SLC8A1: variants seen among roughly 807,000 people sequenced by gnomAD.
The protein encoded by SLC8A1 is sodium/calcium exchanger 1.
In SLC8A1, 18 loss-of-function variants were observed where a neutral mutation model predicts 68.3. The ratio of observed to expected loss-of-function variants is 0.26; its 90% CI spans 0.18 to 0.39. SLC8A1 has a LOEUF of 0.39. SLC8A1 is among the 10% of genes least tolerant of loss of function. The probability of loss-of-function intolerance (pLI) is 1.00; values close to 1 mark genes in which losing one functional copy is unlikely to be tolerated. For missense variants in SLC8A1, 985 were observed against 1,156.7 expected (o/e 0.85, Z 2.15); for synonymous variants, 475 against 415.5 (o/e 1.14, Z -1.74).
At chr2:40,448,624 A>T (rs557833468) in intron 1 of SLC8A1, among the ~76,000 whole-genome samples, 1 of 152,314 alleles carries the variant, frequency 6.6e-6, no homozygotes, top group Admixed American at 6.5e-5. Context: ...ACCATAAGTG[A>T]TGTCAGATAG....
At chr2:40,338,749 T>A (rs1666791850) in intron 2 of SLC8A1, among the ~76,000 whole-genome samples, 8 of 152,208 alleles carry the variant, frequency 5.3e-5, no homozygotes, top group African/African-American at 1.9e-4. Context: ...CATAATTGGA[T>A]TTTCTTCTTT....
At chr2:40,458,267 C>G (rs1391487928) in intron 1 of SLC8A1, among the ~76,000 whole-genome samples, 1 of 152,144 alleles carries the variant, frequency 6.6e-6, no homozygotes, top group Admixed American at 6.5e-5. Context: ...CGTTTAAGTG[C>G]CTTTTTGAGT....
chr2:40,487,755 C>T (rs575555401), intron 1 of SLC8A1, among the ~76,000 whole-genome samples: 3 of 152,138 alleles, frequency 2.0e-5, no homozygotes, highest in South Asian at 2.1e-4. Flanking sequence ...CATTGCGGAA[C>T]CTGCTCACTC....
intron 2 of SLC8A1, among the ~76,000 whole-genome samples, chr2:40,263,647 C>G (rs2064993658): frequency 1.3e-5 from 2 of 152,082 alleles, no homozygotes; most frequent in South Asian, 4.1e-4. Flanking sequence ...TTATGGAAAA[C>G]TGGCTAGCCA....
At position 40,346,658 on chromosome 2, in the gene SLC8A1, C is replaced by T. The variant is rs116685529; in HGVS notation, c.1808+81815G>A. On this transcript the variant is annotated intron_variant, in intron 2 of 7. Transcript: ENST00000406785. ...AGTCCCAAAAATGGAATGCAAGACA[C>T]AGGAAGGCAGAGAGGGGAAAAAGTC... is the stretch of plus-strand genomic sequence containing the variant. Among the ~76,000 whole-genome samples, 1,505 of 152,144 alleles carry T rather than the reference C, an allele frequency of 9.9e-3. 20 individuals are homozygous for T. The highest frequency in any genetic ancestry group is 0.033 in the African/African-American group (1,387 of 41,512).
intron 2 of SLC8A1, among the ~76,000 whole-genome samples, chr2:40,331,150 T>C (rs966390542): frequency 6.6e-6 from 1 of 152,140 alleles, no homozygotes; most frequent in Non-Finnish European, 1.5e-5. Context: ...TGGTATGAGA[T>C]TGTTATAAGA....
chr2:40,271,930 C>T (rs1389581135), intron 2 of SLC8A1, among the ~76,000 whole-genome samples: 2 of 151,966 alleles, frequency 1.3e-5, no homozygotes, highest in South Asian at 2.1e-4. Context: ...GCAGTGGAAC[C>T]GTCATAGCTC....
At chr2:40,177,436 G>A (rs1048544343) in intron 3 of SLC8A1, among the ~76,000 whole-genome samples, 5 of 152,160 alleles carry the variant, frequency 3.3e-5, no homozygotes, top group African/African-American at 1.2e-4. Context: ...TAATTGGAGT[G>A]ACATTTTAGA....
intron 4 of SLC8A1, among the ~76,000 whole-genome samples, chr2:40,168,423 G>T (rs899677043): frequency 6.6e-6 from 1 of 152,114 alleles, no homozygotes; most frequent in African/African-American, 2.4e-5. Context: ...TCATGGAAGG[G>T]TCAGGGCAGT....
chr2:40,216,373 A>G (rs1249670965), intron 2 of SLC8A1, among the ~76,000 whole-genome samples: 1 of 152,116 alleles, frequency 6.6e-6, no homozygotes, highest in African/African-American at 2.4e-5. Context: ...CATGGTGTAT[A>G]TGTACCACAT....
At position 40,311,848 on chromosome 2, in the gene SLC8A1, C is replaced by T. The variant is rs148677780; in HGVS notation, c.1808+116625G>A. Among the ~76,000 whole-genome samples the T allele has an allele frequency of 1.7e-3, 259 of 151,964 alleles. 1 individual carries two copies. The highest frequency in any genetic ancestry group is 5.9e-3 in the African/African-American group (245 of 41,480). On this transcript the variant is annotated intron_variant, in intron 2 of 7. Coordinates refer to ENST00000406785, the Ensembl canonical transcript of SLC8A1. ...TCTACAACAAATATCATTTTAGAAT[C>T]GATAACAAAAATAAAAGCAAGTTGT...
intron 4 of SLC8A1, among the ~76,000 whole-genome samples, chr2:40,165,673 G>A (rs549055374): frequency 8.5e-5 from 13 of 152,224 alleles, no homozygotes; most frequent in Middle Eastern, 6.8e-3. Context: ...GAGGCCTTTC[G>A]GGAGTTAAAA....
intron 2 of SLC8A1, among the ~76,000 whole-genome samples, chr2:40,341,852 A>G (rs1667798041): frequency 6.6e-6 from 1 of 152,180 alleles, no homozygotes; most frequent in Admixed American, 6.5e-5. Context: ...AAGGAAGGAC[A>G]TTAATTCTTG....
intron 4 of SLC8A1, among the ~76,000 whole-genome samples, chr2:40,170,831 A>G (rs1363733863): frequency 2.0e-5 from 3 of 152,226 alleles, no homozygotes; most frequent in Non-Finnish European, 4.4e-5. Flanking sequence ...TAGTGCCAAC[A>G]ATATAGCCTT....
At chr2:40,344,991 T>G (rs1359346323) in intron 2 of SLC8A1, among the ~76,000 whole-genome samples, 1 of 150,066 alleles carries the variant, frequency 6.7e-6, no homozygotes, top group African/African-American at 2.5e-5. Flanking sequence ...ATCTTCCGTA[T>G]TTTGTTTGTC....
chr2:40,508,752 C>T (rs1233704588), intron 1 of SLC8A1, among the ~76,000 whole-genome samples: 5 of 151,984 alleles, frequency 3.3e-5, no homozygotes, highest in African/African-American at 1.2e-4. Flanking sequence ...CATTTTTTTC[C>T]TAATCTTCAG....
chr2:40,473,226 T>A (rs967411134), intron 1 of SLC8A1, among the ~76,000 whole-genome samples: 1 of 152,004 alleles, frequency 6.6e-6, no homozygotes, highest in Non-Finnish European at 1.5e-5. Context: ...ACCTGGAAAA[T>A]GAAAGACATA....
chr2:40,471,256 C>T (rs186908275), intron 1 of SLC8A1, among the ~76,000 whole-genome samples: 4 of 152,250 alleles, frequency 2.6e-5, no homozygotes, highest in South Asian at 2.1e-4. Flanking sequence ...TAAGCAGGGC[C>T]GTGGACCCAG....
At chr2:40,200,426 G>C (rs1037008968) in intron 2 of SLC8A1, among the ~76,000 whole-genome samples, 1 of 147,814 alleles carries the variant, frequency 6.8e-6, no homozygotes, top group African/African-American at 2.5e-5. Context: ...TGATTCCAAT[G>C]CTTAAGAGTT....
Sources: gnomAD v4.1 joint callset for allele counts (sites outside exome capture counted in the v4.1 genomes callset) on GRCh38, gnomAD v4.1.1 for gene constraint, MANE v1.5 for transcripts, NCBI Gene and HGNC (gene_info 2026-07-23, HGNC 2026-07-21) for gene names.